Variants in ZBTB16 observed in about 807,000 individuals in gnomAD.
The protein encoded by ZBTB16 is zinc finger and BTB domain-containing protein 16.
ZBTB16 carries 8 observed loss-of-function variants against 56.8 expected under a neutral mutation model. That is an observed-to-expected ratio of 0.14 (90% CI 0.08 to 0.25). The LOEUF (loss-of-function observed/expected upper bound fraction) is 0.25, where lower values mean the gene tolerates loss of function less well. Among genes scored for constraint, ZBTB16 ranks in the 10% least tolerant of loss-of-function variants. The pLI, the probability that ZBTB16 is intolerant of heterozygous loss-of-function variation, is 1.00. For synonymous variants in ZBTB16, 363 were observed against 368.5 expected, an observed-to-expected ratio of 0.98 and a Z score of 0.17; for missense variants, 625 against 903.0, an observed-to-expected ratio of 0.69 and a Z score of 3.95.
intron 4 of ZBTB16, among the ~76,000 whole-genome samples, chr11:114,215,584 A>C (rs1178644416): frequency 6.6e-6 from 1 of 152,216 alleles, no homozygotes; most frequent in Non-Finnish European, 1.5e-5. Context: ...TTACCCTACA[A>C]CGAGAGGTAA....
intron 3 of ZBTB16, among the ~76,000 whole-genome samples, chr11:114,174,542 G>C (rs544853839): frequency 6.6e-6 from 1 of 152,116 alleles, no homozygotes; most frequent in Non-Finnish European, 1.5e-5. Context: ...TTAGCCGGGC[G>C]TGGTGGCATG....
chr11:114,095,245 CTTTT>C (rs745895999), intron 2 of ZBTB16, among the ~76,000 whole-genome samples: 5 of 90,476 alleles, frequency 5.5e-5, no homozygotes, highest in South Asian at 3.4e-4. Flanking sequence ...CTTTTCTTTT[CTTTT>C]TTTTTTTTTT....
intron 2 of ZBTB16, among the ~76,000 whole-genome samples, chr11:114,065,985 G>A (rs957925601): frequency 2.0e-5 from 3 of 151,982 alleles, no homozygotes; most frequent in South Asian, 2.1e-4. Flanking sequence ...CATAAACCAC[G>A]TGCCCATCAT....
chr11:114,067,255 G>A (rs1939153022), intron 2 of ZBTB16, among the ~76,000 whole-genome samples: 1 of 152,170 alleles, frequency 6.6e-6, no homozygotes, highest in Non-Finnish European at 1.5e-5. Flanking sequence ...GTTCTAGTGT[G>A]TAGTGTCCAC....
chr11:114,142,989 G>T (rs1290723480), intron 2 of ZBTB16, among the ~76,000 whole-genome samples: 2 of 152,184 alleles, frequency 1.3e-5, no homozygotes, highest in Admixed American at 6.5e-5. Context: ...AGTGAGTGGG[G>T]CTGTGAGGGA....
At chr11:114,217,837 C>T (rs1158136977) in intron 4 of ZBTB16, among the ~76,000 whole-genome samples, 3 of 152,132 alleles carry the variant, frequency 2.0e-5, no homozygotes, top group African/African-American at 7.2e-5. Context: ...TCCTTAGGCT[C>T]CCTGGAAGGT....
chr11:114,139,542 G>T (rs1372462586), intron 2 of ZBTB16, among the ~76,000 whole-genome samples: 1 of 151,214 alleles, frequency 6.6e-6, no homozygotes, highest in Non-Finnish European at 1.5e-5. Flanking sequence ...TCTCTAAGAG[G>T]TTTCCTTCTC....
intron 3 of ZBTB16, among the ~76,000 whole-genome samples, chr11:114,168,270 C>T: frequency 6.6e-6 from 1 of 152,156 alleles, no homozygotes; most frequent in East Asian, 1.9e-4. Flanking sequence ...TTCCCTCCAG[C>T]CCCAGGAGTC....
intron 2 of ZBTB16, among the ~76,000 whole-genome samples, chr11:114,132,335 C>T (rs1258128418): frequency 2.6e-5 from 4 of 152,160 alleles, no homozygotes. Context: ...AAGGAAAAAA[C>T]TATGCCTGCA....
chr11:114,209,187 G>T (rs1167980222), intron 4 of ZBTB16, among the ~76,000 whole-genome samples: 1 of 152,232 alleles, frequency 6.6e-6, no homozygotes, highest in Non-Finnish European at 1.5e-5. Flanking sequence ...CTCTGGTGGG[G>T]TGAGTGGGCA....
chr11:114,222,024 A>G (rs1317790496), intron 4 of ZBTB16, among the ~76,000 whole-genome samples: 1 of 152,176 alleles, frequency 6.6e-6, no homozygotes, highest in Non-Finnish European at 1.5e-5. Context: ...TGTCGCCTGC[A>G]GAGAATACAC....
At chr11:114,075,629 G>GTATATA (rs10526570) in intron 2 of ZBTB16, among the ~76,000 whole-genome samples, 125 of 141,094 alleles carry the variant, frequency 8.9e-4, no homozygotes, top group African/African-American at 1.7e-3. Context: ...GCTAATTTTT[G>GTATATA]TATATATATA....
intron 3 of ZBTB16, among the ~76,000 whole-genome samples, chr11:114,172,835 G>C (rs1247770277): frequency 6.6e-6 from 1 of 152,206 alleles, no homozygotes; most frequent in Non-Finnish European, 1.5e-5. Context: ...GGCATGGGAG[G>C]AGCCAGAAAA....
In ZBTB16 at chr11:114,106,472, C is replaced by CTTT. The variant is rs59505866; in HGVS notation, c.1268+41918_1268+41920dup. On this transcript the variant is annotated intron_variant, in intron 2 of 6. Coordinates refer to ENST00000335953, the MANE Select transcript of ZBTB16 (RefSeq NM_006006.6). ...CATTGGTCTATGATTTCACGATCTT[C>CTTT]TTTTTTTTTTTTTTTTGAGACAGAG... 6.4e-3 allele frequency among the ~76,000 whole-genome samples: 891 copies of CTTT among 139,644 alleles called. 14 individuals are homozygous for CTTT. Among genetic ancestry groups the CTTT allele is most frequent in the African/African-American group, 0.021 (799 of 38,064 alleles). The allele number at this position is 139,644 out of a possible 152,430, so 91.6% of individuals were successfully genotyped here. A position where few individuals can be genotyped will look rare whatever the true frequency, so the allele number is the denominator to read the frequency against.
At position 114,087,587 on chromosome 11, in the gene ZBTB16, C is replaced by A. The variant is rs535040983; in HGVS notation, c.1268+23019C>A. ...CCATTTGCCTCTCCAGCCTACTTAA[C>A]CAGATGGCTGTCCTGATTTCCTCAC... On this transcript the variant is annotated intron_variant, in intron 2 of 6. Coordinates refer to ENST00000335953, the MANE Select transcript of ZBTB16 (RefSeq NM_006006.6). Among the ~76,000 whole-genome samples, 3 of 152,312 alleles carry A rather than the reference C, an allele frequency of 2.0e-5. No homozygotes were observed. In the South Asian group the frequency reaches 6.2e-4, roughly 32 times the overall value.
In ZBTB16 at chr11:114,250,439, A is replaced by G; in HGVS notation, c.1906A>G (p.Thr636Ala). 1.2e-6 allele frequency: 2 copies of G among 1,614,150 alleles called. No homozygotes were observed. The highest frequency in any genetic ancestry group is 1.7e-6 in the Non-Finnish European group (2 of 1,180,032). Reference sequence around the variant, plus strand: ...CTCGCCCTACCAGTGCACCATCTGCACAGAGTACTGCCCCAGCCTCTCCTC... The same window carrying G: ...CTCGCCCTACCAGTGCACCATCTGCGCAGAGTACTGCCCCAGCCTCTCCTC... Reference protein sequence around the residue: ...GASPYQCTICTEYCPSLSSMQ... With the variant: ...GASPYQCTICAEYCPSLSSMQ... The change falls in exon 7 of 7, where the codon ACA becomes GCA. Residue 636 changes from threonine (T) to alanine (A), a missense_variant. Thr to Ala is a moderately conservative substitution (Grantham distance 58). Transcript: ENST00000335953. This position sits in a 1 kb window ranked among gnomAD's most constrained non-coding sequence, Gnocchi z 6.0.
In ZBTB16 at chr11:114,064,576, C is replaced by T. The variant is rs1265066124; in HGVS notation, c.1268+8C>T. On this transcript the variant is annotated splice_region_variant and intron_variant, in intron 2 of 6. Transcript: ENST00000335953. This position sits in a 1 kb window ranked among gnomAD's most constrained non-coding sequence, Gnocchi z 4.2. The stretch of plus-strand genomic sequence containing the variant: ...GGCTGTGGAGCAGCACAGGTAGGCC[C>T]CGCTCCAGCCCCGCACCTGATGTAG... The T allele has an allele frequency of 3.1e-6, 5 of 1,613,156 alleles. No individual in the cohort carries two copies. In the African/African-American group the frequency reaches 6.7e-5, roughly 22 times the overall value.
At chr11:114,161,941 G>A (rs548359173) in intron 3 of ZBTB16, among the ~76,000 whole-genome samples, 101 of 152,342 alleles carry the variant, frequency 6.6e-4, no homozygotes, top group Non-Finnish European at 1.1e-3. Flanking sequence ...GCTGGTTAGG[G>A]CCCTGTGGCC....
chr11:114,140,765 T>A (rs1290307265), intron 2 of ZBTB16, among the ~76,000 whole-genome samples: 1 of 152,226 alleles, frequency 6.6e-6, no homozygotes, highest in Non-Finnish European at 1.5e-5. Flanking sequence ...TCTTTTCTTG[T>A]ACCTTCCTAG....
Sources: gnomAD v4.1 joint callset for allele counts (sites outside exome capture counted in the v4.1 genomes callset) on GRCh38, gnomAD v4.1.1 for gene constraint, Gnocchi (gnomAD v3.1) non-coding constraint, MANE v1.5 for transcripts, NCBI Gene and HGNC (gene_info 2026-07-23, HGNC 2026-07-21) for gene names.